Variants in NQO2 observed in about 807,000 individuals in gnomAD.
NQO2 encodes ribosyldihydronicotinamide dehydrogenase [quinone].
NQO2 carries 18 observed loss-of-function variants against 22.0 expected under a neutral mutation model. That is an observed-to-expected ratio of 0.82 (90% CI 0.56 to 1.21). The LOEUF (loss-of-function observed/expected upper bound fraction) is 1.21. Ranked by LOEUF, NQO2 falls within the 50% of genes most tolerant of loss-of-function variation. The pLI is 0.00. For missense variants in NQO2, 267 were observed against 286.9 expected, an observed-to-expected ratio of 0.93 and a Z score of 0.50; for synonymous variants, 106 against 110.8, an observed-to-expected ratio of 0.96 and a Z score of 0.28.
At chr6:3,004,942 ACAC>A (rs748998119) in intron 1 of NQO2, among the ~76,000 whole-genome samples, 22 of 151,818 alleles carry the variant, frequency 1.4e-4, no homozygotes, top group Non-Finnish European at 3.1e-4. Flanking sequence ...TTACAGGTGC[ACAC>A]CACCACGCCC....
rs1756956281 is a variant in NQO2, at chr6:3,006,542, C to T, written c.-11C>T. On this transcript the variant is annotated 5_prime_UTR_variant, in exon 2 of 7. Coordinates refer to ENST00000380455, the MANE Select transcript of NQO2 (RefSeq NM_000904.6). The surrounding 1 kb of genome is among the most constrained non-coding windows in gnomAD (Gnocchi z 4.0). Reference sequence around the variant, plus strand: ...ATCAAATCAGAGAGAAGGAATCCACCTTCTTACGCTATGGCAGGTAATGAT... The same window carrying T: ...ATCAAATCAGAGAGAAGGAATCCACTTTCTTACGCTATGGCAGGTAATGAT... 1 of 1,611,570 alleles carries T rather than the reference C, an allele frequency of 6.2e-7. No homozygotes were observed. Among genetic ancestry groups the T allele is most frequent in the Non-Finnish European group, 8.5e-7 (1 of 1,178,876 alleles).
At position 3,006,532 on chromosome 6, in the gene NQO2, A is replaced by G. The variant is rs368031087; in HGVS notation, c.-21A>G. 2.5e-5 allele frequency: 41 copies of G among 1,612,508 alleles called. No individual in the cohort carries two copies. Among genetic ancestry groups the G allele is most frequent in the Non-Finnish European group, 3.1e-5 (37 of 1,179,356 alleles). The stretch of plus-strand genomic sequence containing the variant: ...CCAGCCACCCATCAAATCAGAGAGA[A>G]GGAATCCACCTTCTTACGCTATGGC... On this transcript the variant is annotated 5_prime_UTR_variant, in exon 2 of 7. Transcript: ENST00000380455. This position sits in a 1 kb window ranked among gnomAD's most constrained non-coding sequence, Gnocchi z 4.0.
At chr6:3,003,946 G>A (rs1271624359) in intron 1 of NQO2, among the ~76,000 whole-genome samples, 23 of 151,246 alleles carry the variant, frequency 1.5e-4, no homozygotes, top group Non-Finnish European at 5.9e-5. Flanking sequence ...AGCCCCAAGA[G>A]AGCCCCGGGA....
chr6:3,000,882 G>A (rs1355583014), intron 1 of NQO2, among the ~76,000 whole-genome samples: 2 of 151,032 alleles, frequency 1.3e-5, no homozygotes, highest in Non-Finnish European at 2.9e-5. Context: ...TCACTCTGTT[G>A]CCCAGGCTGG....
rs114781483 is a variant in NQO2, at chr6:3,016,926, G to A, written c.460G>A (p.Glu154Lys). 4.9e-5 allele frequency: 79 copies of A among 1,614,040 alleles called. No homozygotes were observed. The African/African-American group carries it at 5.2e-4, about 11-fold the overall frequency. Residue 154 changes from glutamate (E) to lysine (K), a missense_variant, in exon 6 of 7, where the codon GAG becomes AAG. By Grantham distance (56) the Glu-to-Lys change is moderately conservative. Coordinates refer to ENST00000380455, the MANE Select transcript of NQO2 (RefSeq NM_000904.6). ...LLSVTTGGTAEMYTKTGVNGD... is the reference protein window; with the variant it reads ...LLSVTTGGTAKMYTKTGVNGD... The stretch of plus-strand genomic sequence containing the variant: ...TTCCGTAACCACGGGAGGCACGGCC[G>A]AGATGTACACGAAGACAGGAGTCAA...
intron 3 of NQO2, among the ~76,000 whole-genome samples, chr6:3,011,404 CAG>C (rs1170710010): frequency 3.9e-5 from 6 of 151,910 alleles, no homozygotes; most frequent in African/African-American, 1.5e-4. Flanking sequence ...TGAAAATACA[CAG>C]AGGAGAAAAA....
intron 5 of NQO2, among the ~76,000 whole-genome samples, chr6:3,015,860 A>G (rs1289408669): frequency 3.9e-5 from 6 of 152,224 alleles, no homozygotes. Context: ...GAACACATCC[A>G]CAGCATACTA....
At chr6:3,016,841 T>C (rs1757342603) in intron 5 of NQO2, 43 bp from the exon 6 acceptor site, 2 of 1,606,082 alleles carry the variant, frequency 1.2e-6, no homozygotes, top group African/African-American at 1.3e-5. Flanking sequence ...ATTTCTGTCC[T>C]CTTCTGGAGT....
At chr6:3,018,706 G>A (rs147088018) in intron 6 of NQO2, among the ~76,000 whole-genome samples, 31 of 152,198 alleles carry the variant, frequency 2.0e-4, no homozygotes, top group African/African-American at 6.7e-4. Context: ...AAAAGTACGT[G>A]ATTCCAGTTA....
intron 4 of NQO2, among the ~76,000 whole-genome samples, chr6:3,013,265 T>A (rs938531183): frequency 6.6e-6 from 1 of 152,166 alleles, no homozygotes; most frequent in Non-Finnish European, 1.5e-5. Flanking sequence ...GATGTAACAC[T>A]ACTTTAAACA....
intron 6 of NQO2, among the ~76,000 whole-genome samples, chr6:3,017,695 A>G (rs9501908): frequency 0.51 from 77,132 of 151,908 alleles, 19,694 homozygotes; most frequent in South Asian, 0.57. Context: ...GAGGGGTGGC[A>G]GAGGGAGGGA....
intron 5 of NQO2, among the ~76,000 whole-genome samples, 192 bp downstream of exon 5, chr6:3,015,835 G>T (rs984713454): frequency 2.0e-5 from 3 of 152,218 alleles, no homozygotes; most frequent in African/African-American, 7.2e-5. Flanking sequence ...GGAGCTTTTT[G>T]TCTGGTGGGG....
In NQO2 at chr6:3,017,025, C is replaced by T. The variant is rs773421863; in HGVS notation, c.519+40C>T. The T allele has an allele frequency of 4.2e-5, 68 of 1,603,472 alleles. 1 individual carries two copies. The Middle Eastern group carries it at 5.7e-4, about 13-fold the overall frequency. ...AGTGGCTCCCTTGCTTGTTGGCACA[C>T]GCACACACAGACACACACATGCACA... On this transcript the variant is annotated intron_variant, in intron 6 of 6. Transcript: ENST00000380455.
Position 3,005,705 on chromosome 6 carries a change from G to C in NQO2, c.-85-763G>C, listed in dbSNP as rs989563055. ...CCAGAATTTCAGAGATGGCCAGGAG[G>C]GGGTGAGGCCAAAGGCTCCCCTGGG... On this transcript the variant is annotated intron_variant, in intron 1 of 6. Coordinates refer to ENST00000380455, the MANE Select transcript of NQO2 (RefSeq NM_000904.6). The C allele has an allele frequency of 2.7e-5, 27 of 985,244 alleles. No homozygotes were observed. The African/African-American group carries it at 2.8e-4, about 10-fold the overall frequency. The allele number at this position is 985,244 out of a possible 1,614,324, so 61.0% of individuals were successfully genotyped here. A position where few individuals can be genotyped will look rare whatever the true frequency, so the allele number is the denominator to read the frequency against.
intron 3 of NQO2, among the ~76,000 whole-genome samples, chr6:3,010,428 A>G (rs961578081): frequency 6.6e-6 from 1 of 151,822 alleles, no homozygotes; most frequent in Non-Finnish European, 1.5e-5. Flanking sequence ...AAGAGATTGG[A>G]CTATCATATC....
intron 6 of NQO2, 181 bp from the exon 7 acceptor site, chr6:3,019,298 T>C (rs1757451919): frequency 1.0e-6 from 1 of 954,956 alleles, no homozygotes; most frequent in Non-Finnish European, 1.2e-6. Context: ...TCACGGCTCT[T>C]ATGCAAGGCT....
chr6:3,007,113 G>A (rs946994418), intron 2 of NQO2, among the ~76,000 whole-genome samples: 1 of 152,078 alleles, frequency 6.6e-6, no homozygotes, highest in African/African-American at 2.4e-5. Context: ...TCGGATTTTC[G>A]CCCTTGGCAC....
intron 1 of NQO2, chr6:3,004,323 C>T: frequency 1.0e-6 from 1 of 985,316 alleles, no homozygotes; most frequent in Non-Finnish European, 1.2e-6. Flanking sequence ...CCCAGCTGTC[C>T]AGTGAAGTCA....
chr6:3,002,714 C>T (rs1561709239), intron 1 of NQO2, among the ~76,000 whole-genome samples: 2 of 152,004 alleles, frequency 1.3e-5, no homozygotes, highest in Admixed American at 1.3e-4. Context: ...CAGACCCCTC[C>T]CACCTCCCTG....
Sources: allele counts gnomAD v4.1 joint callset (sites outside exome capture counted in the v4.1 genomes callset), GRCh38; gene constraint gnomAD v4.1.1; non-coding constraint Gnocchi (gnomAD v3.1); transcripts MANE v1.5; gene names NCBI Gene and HGNC (gene_info 2026-07-23, HGNC 2026-07-21).